Variants in FIP1L1 observed in about 807,000 individuals in gnomAD.
FIP1L1 encodes factor interacting with PAPOLA and CPSF1.
Under a neutral mutation model 84.6 loss-of-function variants are expected in FIP1L1, and 21 were observed. The observed-to-expected ratio is 0.25, with a 90% CI of 0.18 to 0.36. The LOEUF (loss-of-function observed/expected upper bound fraction) is 0.36, where lower values mean the gene tolerates loss of function less well. FIP1L1 is among the 10% of genes least tolerant of loss of function. The pLI is 1.00. For synonymous variants in FIP1L1, 263 were observed against 242.3 expected, an observed-to-expected ratio of 1.09 and a Z score of -0.80; for missense variants, 526 against 751.1, an observed-to-expected ratio of 0.70 and a Z score of 3.50.
intron 11 of FIP1L1, among the ~76,000 whole-genome samples, chr4:53,423,564 T>C (rs140380931): frequency 0.014 from 2,102 of 152,352 alleles, 18 homozygotes; most frequent in Middle Eastern, 0.024. Flanking sequence ...TTAGATATTA[T>C]GTGCTTTTTG....
intron 15 of FIP1L1, among the ~76,000 whole-genome samples, chr4:53,449,256 T>G (rs1464482687): frequency 1.3e-5 from 2 of 152,118 alleles, no homozygotes; most frequent in Non-Finnish European, 1.5e-5. Flanking sequence ...ATTTTTACTG[T>G]TAGGTTTTTG....
At chr4:53,455,628 G>A (rs529850695) in intron 16 of FIP1L1, among the ~76,000 whole-genome samples, 1 of 152,180 alleles carries the variant, frequency 6.6e-6, no homozygotes, top group East Asian at 1.9e-4. Flanking sequence ...AGTTACACTA[G>A]TGCCTCAAAC....
At chr4:53,400,860 G>A (rs1749857618) in intron 10 of FIP1L1, among the ~76,000 whole-genome samples, 1 of 152,140 alleles carries the variant, frequency 6.6e-6, no homozygotes, top group Non-Finnish European at 1.5e-5. Context: ...CTTTAAATAT[G>A]TAGTAATATA....
chr4:53,451,131 AT>A (rs374162985), intron 15 of FIP1L1, among the ~76,000 whole-genome samples: 52 of 144,208 alleles, frequency 3.6e-4, no homozygotes, highest in Admixed American at 3.4e-4. Flanking sequence ...TGCCTGGCTA[AT>A]TTTTTTTTTT....
intron 17 of FIP1L1, 48 bp from the exon 18 acceptor site, chr4:53,459,254 T>C (rs745413390): frequency 7.2e-5 from 98 of 1,354,002 alleles, no homozygotes; most frequent in Non-Finnish European, 9.8e-5. Context: ...TTGTCACTGA[T>C]TGTGTATTTA....
At chr4:53,423,951 A>G (rs1023489557) in intron 11 of FIP1L1, among the ~76,000 whole-genome samples, 2 of 152,174 alleles carry the variant, frequency 1.3e-5, no homozygotes, top group East Asian at 3.8e-4. Flanking sequence ...TAAATGGTAA[A>G]AGACAGGCTA....
chr4:53,395,038 T>C (rs1291050274), intron 9 of FIP1L1, among the ~76,000 whole-genome samples: 1 of 152,234 alleles, frequency 6.6e-6, no homozygotes, highest in African/African-American at 2.4e-5. Context: ...TTTGGATTTG[T>C]CAGATCTGAC....
At chr4:53,388,267 G>A (rs1459547823) in intron 5 of FIP1L1, among the ~76,000 whole-genome samples, 2 of 151,818 alleles carry the variant, frequency 1.3e-5, no homozygotes, top group Admixed American at 6.6e-5. Flanking sequence ...TGAGAGAAAA[G>A]AACCAAATAT....
At chr4:53,393,092 A>G (rs750701737) in intron 9 of FIP1L1, among the ~76,000 whole-genome samples, 3 of 152,200 alleles carry the variant, frequency 2.0e-5, no homozygotes, top group Non-Finnish European at 2.9e-5. Flanking sequence ...CTAACCTGCA[A>G]ACATTTGTGT....
At chr4:53,436,965 A>G (rs1334733699) in intron 13 of FIP1L1, among the ~76,000 whole-genome samples, 2 of 152,004 alleles carry the variant, frequency 1.3e-5, no homozygotes, top group African/African-American at 4.8e-5. Context: ...CAAGGCGGGT[A>G]GATTGCTTGA....
chr4:53,449,140 ATAT>A (rs764814881), intron 15 of FIP1L1, among the ~76,000 whole-genome samples: 12 of 151,896 alleles, frequency 7.9e-5, no homozygotes, highest in East Asian at 1.9e-4. Context: ...CTCCATTATA[ATAT>A]TATATAACAG....
intron 5 of FIP1L1, among the ~76,000 whole-genome samples, chr4:53,386,441 C>T (rs1207689461): frequency 6.6e-6 from 1 of 152,052 alleles, no homozygotes; most frequent in Non-Finnish European, 1.5e-5. Flanking sequence ...TATTATTTTC[C>T]AGAGGTAGTG....
At chr4:53,404,933 G>A (rs1318174307) in intron 10 of FIP1L1, among the ~76,000 whole-genome samples, 25 of 150,828 alleles carry the variant, frequency 1.7e-4, no homozygotes, top group East Asian at 3.9e-4. Context: ...AGTAGGTTGC[G>A]AAAATTTTCT....
At chr4:53,386,055 C>T (rs2271554) in intron 5 of FIP1L1, among the ~76,000 whole-genome samples, 7 of 146,902 alleles carry the variant, frequency 4.8e-5, no homozygotes, top group Admixed American at 6.7e-5. Flanking sequence ...TTTTTTTTTG[C>T]GTAACATACC....
chr4:53,400,130 G>A lies in FIP1L1; in HGVS notation c.815+291G>A, dbSNP rs370025915. ...GACAGTCTTACATTCAAGAGAGGTG[G>A]TAACAGTAGTATTTGCTGTTTCCTG... On this transcript the variant is annotated intron_variant, in intron 10 of 17. Coordinates refer to ENST00000337488, the MANE Select transcript of FIP1L1 (RefSeq NM_030917.4). Among the ~76,000 whole-genome samples the A allele has an allele frequency of 4.1e-4, 62 of 152,272 alleles. 1 individual carries two copies. In the South Asian group the frequency reaches 4.8e-3, roughly 12 times the overall value.
intron 15 of FIP1L1, among the ~76,000 whole-genome samples, chr4:53,447,075 G>C (rs1774515013): frequency 6.6e-6 from 1 of 152,018 alleles, no homozygotes; most frequent in Non-Finnish European, 1.5e-5. Context: ...GAATGCATTT[G>C]ATAAATACAG....
chr4:53,453,656 G>T (rs1359321910), intron 16 of FIP1L1, among the ~76,000 whole-genome samples: 7 of 152,116 alleles, frequency 4.6e-5, no homozygotes, highest in Non-Finnish European at 8.8e-5. Context: ...TGACTCTCTT[G>T]TTTCCCAATG....
Position 53,459,633 on chromosome 4 carries a change from T to C in FIP1L1, c.*184T>C. 3 of 794,842 alleles carry C rather than the reference T, an allele frequency of 3.8e-6. No homozygotes were observed. The South Asian group carries it at 5.4e-5, about 14-fold the overall frequency. The allele number at this position is 794,842 out of a possible 1,614,324, so 49.2% of individuals were successfully genotyped here. A position where few individuals can be genotyped will look rare whatever the true frequency, so the allele number is the denominator to read the frequency against. On this transcript the variant is annotated 3_prime_UTR_variant, in exon 18 of 18. Transcript: ENST00000337488. Reference sequence around the variant, plus strand: ...TGTTAAGTTAAAAATCTTTGTCTTGTACTATTTCAAAAATAAAAAGACAGC... The same window carrying C: ...TGTTAAGTTAAAAATCTTTGTCTTGCACTATTTCAAAAATAAAAAGACAGC...
intron 11 of FIP1L1, among the ~76,000 whole-genome samples, chr4:53,419,916 C>T (rs376670570): frequency 2.0e-5 from 3 of 151,968 alleles, no homozygotes; most frequent in Admixed American, 1.3e-4. Context: ...AGTTCAAGAC[C>T]AGCCTGACCA....
Sources: allele counts gnomAD v4.1 joint callset (sites outside exome capture counted in the v4.1 genomes callset), GRCh38; gene constraint gnomAD v4.1.1; transcripts MANE v1.5; gene names NCBI Gene and HGNC (gene_info 2026-07-23, HGNC 2026-07-21).